Variants in DBNL observed in about 807,000 individuals in gnomAD.
DBNL encodes the protein drebrin like, also known as drebrin-like protein.
A neutral mutation model predicts 62.2 loss-of-function variants in DBNL; 35 were observed. The observed-to-expected ratio is 0.56, with a 90% CI of 0.43 to 0.75. The LOEUF (loss-of-function observed/expected upper bound fraction) is 0.75. Among genes scored for constraint, DBNL ranks in the 30% least tolerant of loss-of-function variants. The pLI is 0.00. For missense variants in DBNL, 495 were observed against 578.4 expected, an observed-to-expected ratio of 0.86 and a Z score of 1.48; for synonymous variants, 197 against 218.0, an observed-to-expected ratio of 0.90 and a Z score of 0.85.
In DBNL at chr7:44,066,801, G is replaced by T. The variant is rs754084843; in HGVS notation, c.*5885G>T. On this transcript the variant is annotated 3_prime_UTR_variant, in exon 13 of 13. Transcript: ENST00000448521. ...GTCGGCTGCCAGGACCCCCAAGGCT[G>T]GCAGGTGGAACCCATCCCTCCTAGC... 6 of 152,450 alleles carry T rather than the reference G, an allele frequency of 3.9e-5. No homozygotes were observed. In the South Asian group the frequency reaches 1.2e-3, roughly 32 times the overall value. 9.4% of individuals were successfully genotyped at this position (152,450 alleles called of 1,614,324 possible).
At position 44,067,512 on chromosome 7, in the gene DBNL, A is replaced by C. The variant is rs919564278; in HGVS notation, c.*6596A>C. The C allele has an allele frequency of 3.9e-5, 6 of 152,248 alleles. No homozygotes were observed. Among genetic ancestry groups the C allele is most frequent in the Non-Finnish European group, 7.3e-5 (5 of 68,040 alleles). 9.4% of individuals were successfully genotyped at this position (152,248 alleles called of 1,614,324 possible). On this transcript the variant is annotated 3_prime_UTR_variant, in exon 13 of 13. Transcript: ENST00000448521. ...GGTGTCAAAAAGGAAAGGGGAGCCC[A>C]AAGAAGGGCTGGACTTCGGGGAAGC...
Position 44,067,675 on chromosome 7 carries a change from C to T in DBNL, c.*6759C>T, listed in dbSNP as rs2096162452. 1 of 152,290 alleles carries T rather than the reference C, an allele frequency of 6.6e-6. No homozygotes were observed. The highest frequency in any genetic ancestry group is 1.5e-5 in the Non-Finnish European group (1 of 68,120). The allele number at this position is 152,290 out of a possible 1,614,324, so 9.4% of individuals were successfully genotyped here. On this transcript the variant is annotated 3_prime_UTR_variant, in exon 13 of 13. Transcript: ENST00000448521. ...GAAAACCAAAAGCCACCCTCAGGGC[C>T]TCCATCCAGGAAGGCATAGCATGGT...
rs1227996897 is a variant in DBNL, at chr7:44,060,936, C to T, written c.*20C>T. The T allele has an allele frequency of 1.2e-6, 2 of 1,608,984 alleles. No homozygotes were observed. The highest frequency in any genetic ancestry group is 8.5e-7 in the Non-Finnish European group (1 of 1,176,998). ...GAGTGAGGCTGAGGGCACATCTTGC[C>T]CTTCCCCTCTCAGACATGGCTTCCT... On this transcript the variant is annotated 3_prime_UTR_variant, in exon 13 of 13. Transcript: ENST00000448521. This position sits in a 1 kb window ranked among gnomAD's most constrained non-coding sequence, Gnocchi z 6.3.
intron 4 of DBNL, 158 bp downstream of exon 4, chr7:44,053,099 C>A: frequency 9.7e-7 from 1 of 1,028,088 alleles, no homozygotes; most frequent in Non-Finnish European, 1.4e-6. Context: ...CCAGAGGCTG[C>A]TTCACTCTCG....
chr7:44,048,037 G>T (rs568199722), intron 1 of DBNL, among the ~76,000 whole-genome samples: 3 of 150,250 alleles, frequency 2.0e-5, no homozygotes, highest in Non-Finnish European at 4.4e-5. Context: ...CTGCCTCAGC[G>T]TCCCAAGTAG....
In DBNL at chr7:44,064,531, C is replaced by T; in HGVS notation, c.*3615C>T. The T allele has an allele frequency of 2.2e-6, 1 of 452,340 alleles. No individual in the cohort carries two copies. 28.0% of individuals were successfully genotyped at this position (452,340 alleles called of 1,614,324 possible). A position where few individuals can be genotyped will look rare whatever the true frequency, so the allele number is the denominator to read the frequency against. On this transcript the variant is annotated 3_prime_UTR_variant, in exon 13 of 13. Coordinates refer to ENST00000448521, the MANE Select transcript of DBNL (RefSeq NM_001014436.3). ...GGATTTGGAGCCAGATGCTCTAAGC[C>T]CAGCCCTTCCGTTTCCTAGCTGGGT...
Position 44,061,115 on chromosome 7 carries a change from T to C in DBNL, c.*199T>C. 1.4e-6 allele frequency: 1 copy of C among 691,046 alleles called. No individual in the cohort carries two copies. Among genetic ancestry groups the C allele is most frequent in the South Asian group, 1.9e-5 (1 of 52,302 alleles). The allele number at this position is 691,046 out of a possible 1,614,324, so 42.8% of individuals were successfully genotyped here. ...TGGCCTGGTGATTCCCACACATCCT[T>C]CCTGCATCCCCCGACCCTCCCAGAC... On this transcript the variant is annotated 3_prime_UTR_variant, in exon 13 of 13. Transcript: ENST00000448521.
Position 44,059,270 on chromosome 7 carries a change from C to A in DBNL, c.836-84C>A. The A allele has an allele frequency of 7.2e-7, 1 of 1,397,730 alleles. No individual in the cohort carries two copies. Among genetic ancestry groups the A allele is most frequent in the Non-Finnish European group, 9.9e-7 (1 of 1,008,398 alleles). 86.6% of individuals were successfully genotyped at this position (1,397,730 alleles called of 1,614,324 possible). A position where few individuals can be genotyped will look rare whatever the true frequency, so the allele number is the denominator to read the frequency against. On this transcript the variant is annotated intron_variant, in intron 9 of 12. Coordinates refer to ENST00000448521, the MANE Select transcript of DBNL (RefSeq NM_001014436.3). This position sits in a 1 kb window ranked among gnomAD's most constrained non-coding sequence, Gnocchi z 4.1. Reference sequence around the variant, plus strand: ...GCAAGCCCCATGAGACTGCCTCGAGCACACCAGGGTGGAGGGTGCTGTGGG... The same window carrying A: ...GCAAGCCCCATGAGACTGCCTCGAGAACACCAGGGTGGAGGGTGCTGTGGG...
chr7:44,067,056 AG>A lies in DBNL; in HGVS notation c.*6142del, dbSNP rs1288215990. On this transcript the variant is annotated 3_prime_UTR_variant, in exon 13 of 13. Transcript: ENST00000448521. ...CCGTAGATAGCACCAGATGCTAGGAAGGAAGGACCATAATGTACTGGGAGAG... is the reference window on the plus strand; with the variant it reads ...CCGTAGATAGCACCAGATGCTAGGAAGAAGGACCATAATGTACTGGGAGAG... The A allele has an allele frequency of 6.6e-6, 1 of 152,562 alleles. No individual in the cohort carries two copies. Among genetic ancestry groups the A allele is most frequent in the Non-Finnish European group, 1.5e-5 (1 of 68,198 alleles). 9.5% of individuals were successfully genotyped at this position (152,562 alleles called of 1,614,324 possible). A position where few individuals can be genotyped will look rare whatever the true frequency, so the allele number is the denominator to read the frequency against.
At position 44,051,905 on chromosome 7, in the gene DBNL, C is replaced by G; in HGVS notation, c.215C>G (p.Pro72Arg). 6.2e-7 allele frequency: 1 copy of G among 1,614,150 alleles called. No individual in the cohort carries two copies. The highest frequency in any genetic ancestry group is 8.5e-7 in the Non-Finnish European group (1 of 1,180,020). The change falls in exon 3 of 13, where the codon CCC becomes CGC. Residue 72 changes from proline (P) to arginine (R), a missense_variant. Physicochemically the swap from Pro to Arg is moderately radical, Grantham distance 103. Transcript: ENST00000448521. ...TACGCCTTCTGCAGAGTGAAGGACC[C>G]CAACTCTGGACTGCCCAAATTTGTC... Reference protein sequence around the residue: ...VMYAFCRVKDPNSGLPKFVLI... With the variant: ...VMYAFCRVKDRNSGLPKFVLI...
chr7:44,062,956 TA>T lies in DBNL; in HGVS notation c.*2041del. ...CTATGCCGGAAGGAATAGGTGTCCT[TA>T]GCCCCTCTGTCCCCAGCCTGTTTAC... On this transcript the variant is annotated 3_prime_UTR_variant, in exon 13 of 13. Transcript: ENST00000448521. 6.2e-7 allele frequency: 1 copy of T among 1,613,610 alleles called. No individual in the cohort carries two copies. The highest frequency in any genetic ancestry group is 8.5e-7 in the Non-Finnish European group (1 of 1,179,514).
chr7:44,061,567 C>A lies in DBNL; in HGVS notation c.*651C>A, dbSNP rs2096149255. ...ACACAACATGTTCCTCCACGCGGCT[C>A]ACTCGATGCCTGCAGGCCCCAGTGT... On this transcript the variant is annotated 3_prime_UTR_variant, in exon 13 of 13. Transcript: ENST00000448521. 1 of 153,382 alleles carries A rather than the reference C, an allele frequency of 6.5e-6. No individual in the cohort carries two copies. Among genetic ancestry groups the A allele is most frequent in the Non-Finnish European group, 1.5e-5 (1 of 68,604 alleles). 9.5% of individuals were successfully genotyped at this position (153,382 alleles called of 1,614,324 possible).
At chr7:44,047,871 G>A (rs1265132078) in intron 1 of DBNL, among the ~76,000 whole-genome samples, 1 of 151,522 alleles carries the variant, frequency 6.6e-6, no homozygotes, top group Non-Finnish European at 1.5e-5. Flanking sequence ...TAGGTGGCAG[G>A]CATTGAGCTT....
intron 2 of DBNL, chr7:44,051,554 TTTAGAG>T (rs2096126689): frequency 6.9e-6 from 2 of 290,320 alleles, no homozygotes; most frequent in South Asian, 1.5e-4. Flanking sequence ...TACCTCTGGG[TTTAGAG>T]AAGTGGTTTT....
At chr7:44,047,216 G>A (rs1354409299) in intron 1 of DBNL, among the ~76,000 whole-genome samples, 1 of 151,822 alleles carries the variant, frequency 6.6e-6, no homozygotes, top group Non-Finnish European at 1.5e-5. Flanking sequence ...TAGAAGGGGT[G>A]GGGTGGGCTC....
chr7:44,058,081 G>A (rs747422638), intron 6 of DBNL, 48 bp from the exon 7 acceptor site: 2 of 1,547,004 alleles, frequency 1.3e-6, no homozygotes, highest in African/African-American at 2.7e-5. Context: ...CAGGGGATTA[G>A]GCTGAAGTGG....
Position 44,050,218 on chromosome 7 carries a change from G to A in DBNL, c.84-7G>A, listed in dbSNP as rs199984686. 33 of 1,613,466 alleles carry A rather than the reference G, an allele frequency of 2.0e-5. No individual in the cohort carries two copies. The East Asian group carries it at 3.6e-4, about 17-fold the overall frequency. ...TGGCTACAGAGCTCACTTGTGTTTC[G>A]TTTCAGGGCTCTCTTTACCTATGAA... On this transcript the variant is annotated splice_polypyrimidine_tract_variant and splice_region_variant and intron_variant, in intron 1 of 12. Transcript: ENST00000448521.
chr7:44,059,768 C>G lies in DBNL; in HGVS notation c.1047+110C>G. On this transcript the variant is annotated intron_variant, in intron 11 of 12. Coordinates refer to ENST00000448521, the MANE Select transcript of DBNL (RefSeq NM_001014436.3). This position sits in a 1 kb window ranked among gnomAD's most constrained non-coding sequence, Gnocchi z 4.1. ...CATGCAACAGGTTTTAAAGCACATG[C>G]ATTTTTGGAGCAGCCCTGTGTTATA... The G allele has an allele frequency of 9.1e-7, 1 of 1,093,260 alleles. No individual in the cohort carries two copies. The highest frequency in any genetic ancestry group is 1.5e-5 in the South Asian group (1 of 65,308). 67.7% of individuals were successfully genotyped at this position (1,093,260 alleles called of 1,614,324 possible). A position where few individuals can be genotyped will look rare whatever the true frequency, so the allele number is the denominator to read the frequency against.
At chr7:44,046,584 T>C (rs1323920369) in intron 1 of DBNL, among the ~76,000 whole-genome samples, 1 of 152,082 alleles carries the variant, frequency 6.6e-6, no homozygotes, top group East Asian at 1.9e-4. Context: ...CCCATCTCAC[T>C]GGACTCATCT....
Sources: gnomAD v4.1 joint callset for allele counts (sites outside exome capture counted in the v4.1 genomes callset) on GRCh38, gnomAD v4.1.1 for gene constraint, Gnocchi (gnomAD v3.1) non-coding constraint, MANE v1.5 for transcripts, NCBI Gene and HGNC (gene_info 2026-07-23, HGNC 2026-07-21) for gene names.